JAZF1: variants seen among roughly 807,000 people sequenced by gnomAD.
JAZF1 encodes the protein juxtaposed with another zinc finger protein 1.
A neutral mutation model predicts 26.4 loss-of-function variants in JAZF1; 8 were observed. The observed-to-expected ratio is 0.30, with a 90% confidence interval of 0.18 to 0.55. The LOEUF (loss-of-function observed/expected upper bound fraction) is 0.55, where lower values mean the gene tolerates loss of function less well. JAZF1 is among the 20% of genes least tolerant of loss of function. The pLI, the probability that JAZF1 is intolerant of heterozygous loss-of-function variation, is 0.94. For missense variants in JAZF1, 199 were observed against 322.0 expected (o/e 0.62, Z 2.92); for synonymous variants, 126 against 122.3 (o/e 1.03, Z -0.20).
chr7:28,026,559 A>G (rs1271149464), intron 1 of JAZF1, among the ~76,000 whole-genome samples: 1 of 152,172 alleles, frequency 6.6e-6, no homozygotes, highest in African/African-American at 2.4e-5. Flanking sequence ...ATGAATGTTG[A>G]AAATGCATTC....
intron 2 of JAZF1, among the ~76,000 whole-genome samples, chr7:27,985,608 C>T (rs1422937424): frequency 6.6e-6 from 1 of 152,140 alleles, no homozygotes; most frequent in African/African-American, 2.4e-5. Flanking sequence ...TTTTATGAGG[C>T]CAGCATCATC....
At chr7:28,071,163 C>A (rs568135278) in intron 1 of JAZF1, among the ~76,000 whole-genome samples, 1 of 152,272 alleles carries the variant, frequency 6.6e-6, no homozygotes, top group African/African-American at 2.4e-5. Context: ...GCAAGCAATG[C>A]GGTGTGATAC....
intron 2 of JAZF1, among the ~76,000 whole-genome samples, 154 bp from the exon 3 acceptor site, chr7:27,895,570 C>T (rs2091334910): frequency 6.6e-6 from 1 of 152,144 alleles, no homozygotes; most frequent in South Asian, 2.1e-4. Flanking sequence ...TTCCCTTTTC[C>T]AATGCAATGG....
intron 1 of JAZF1, among the ~76,000 whole-genome samples, chr7:28,091,609 TTA>T (rs200569766): frequency 1.4e-5 from 2 of 147,924 alleles, no homozygotes; most frequent in Admixed American, 6.8e-5. Context: ...TACATATATA[TTA>T]TATATATATA....
chr7:27,857,738 T>G (rs1325846804), intron 3 of JAZF1, among the ~76,000 whole-genome samples: 2 of 152,168 alleles, frequency 1.3e-5, no homozygotes, highest in African/African-American at 4.8e-5. Flanking sequence ...TGACGGATCA[T>G]CTCTCAAAAT....
intron 1 of JAZF1, among the ~76,000 whole-genome samples, chr7:28,089,561 T>C (rs1784262071): frequency 6.6e-6 from 1 of 152,212 alleles, no homozygotes; most frequent in Non-Finnish European, 1.5e-5. Context: ...CTAGAAAATG[T>C]TGACATTGCT....
intron 1 of JAZF1, among the ~76,000 whole-genome samples, chr7:28,074,847 T>C (rs1036432125): frequency 1.3e-5 from 2 of 152,140 alleles, no homozygotes; most frequent in Non-Finnish European, 1.5e-5. Context: ...CACTGGAGAA[T>C]CCACTGTGAA....
chr7:27,866,752 T>C (rs1783480719), intron 3 of JAZF1, among the ~76,000 whole-genome samples: 1 of 152,262 alleles, frequency 6.6e-6, no homozygotes, highest in Non-Finnish European at 1.5e-5. Context: ...TCGATTACCA[T>C]ACTGCTTCCT....
At chr7:27,854,805 C>T (rs771846602) in intron 3 of JAZF1, among the ~76,000 whole-genome samples, 3 of 151,630 alleles carry the variant, frequency 2.0e-5, no homozygotes, top group Non-Finnish European at 4.4e-5. Flanking sequence ...TTTAACATTT[C>T]TTTCAACCTT....
chr7:27,945,623 T>C (rs997788676), intron 2 of JAZF1, among the ~76,000 whole-genome samples: 1 of 152,238 alleles, frequency 6.6e-6, no homozygotes, highest in East Asian at 1.9e-4. Context: ...ATGCCCTTGC[T>C]GGGAGTTCTC....
chr7:28,001,739 G>A (rs1256646487), intron 1 of JAZF1, among the ~76,000 whole-genome samples: 4 of 151,724 alleles, frequency 2.6e-5, no homozygotes, highest in Non-Finnish European at 4.4e-5. Flanking sequence ...TTCTGCAGAC[G>A]ATGCAGAGCA....
Position 28,155,942 on chromosome 7 carries a change from T to C in JAZF1, c.115+24521A>G, listed in dbSNP as rs115048761. Among the ~76,000 whole-genome samples, 506 of 152,366 alleles carry C rather than the reference T, an allele frequency of 3.3e-3. 3 individuals are homozygous for C. Among genetic ancestry groups the C allele is most frequent in the African/African-American group, 0.011 (478 of 41,592 alleles). On this transcript the variant is annotated intron_variant, in intron 1 of 4. Transcript: ENST00000283928. Reference sequence around the variant, plus strand: ...TCTTAAGGGTATAAGGGTACCTACCTGATAAGGTGTCTATGAGGTTACATA... The same window carrying C: ...TCTTAAGGGTATAAGGGTACCTACCCGATAAGGTGTCTATGAGGTTACATA...
chr7:27,949,190 G>C (rs1208121184), intron 2 of JAZF1, among the ~76,000 whole-genome samples: 1 of 152,212 alleles, frequency 6.6e-6, no homozygotes, highest in Non-Finnish European at 1.5e-5. Context: ...GGAGGCCAGG[G>C]AGAGTTGAGG....
intron 3 of JAZF1, among the ~76,000 whole-genome samples, chr7:27,887,134 G>A (rs1427075910): frequency 1.3e-5 from 2 of 152,126 alleles, no homozygotes; most frequent in African/African-American, 4.8e-5. Flanking sequence ...GAGGGTAAAG[G>A]GTGGGAGGAG....
intron 2 of JAZF1, among the ~76,000 whole-genome samples, chr7:27,983,967 G>C (rs1583492611): frequency 6.6e-6 from 1 of 152,154 alleles, no homozygotes; most frequent in African/African-American, 2.4e-5. Context: ...ACATGGAAAG[G>C]AACAACCAGT....
intron 1 of JAZF1, among the ~76,000 whole-genome samples, chr7:28,063,964 G>A (rs1248261288): frequency 6.6e-6 from 1 of 152,062 alleles, no homozygotes; most frequent in Non-Finnish European, 1.5e-5. Context: ...GTAATGAGTT[G>A]CATATCATAT....
At position 27,888,845 on chromosome 7, in the gene JAZF1, G is replaced by C. The variant is rs557761634; in HGVS notation, c.385+6375C>G. 2.6e-5 allele frequency among the ~76,000 whole-genome samples: 4 copies of C among 152,154 alleles called. No individual in the cohort carries two copies. The East Asian group carries it at 7.7e-4, about 29-fold the overall frequency. ...TTTAATACTTGAATTTTCCCCCCCA[G>C]AGTGCGCCAAAATATATATACAAAT... On this transcript the variant is annotated intron_variant, in intron 3 of 4. Transcript: ENST00000283928.
chr7:27,891,377 T>C (rs1342353199), intron 3 of JAZF1, among the ~76,000 whole-genome samples: 1 of 152,220 alleles, frequency 6.6e-6, no homozygotes, highest in East Asian at 1.9e-4. Context: ...CAAAGCATAT[T>C]TACTATATGG....
chr7:27,965,096 ATCAG>A (rs1785251812), intron 2 of JAZF1, among the ~76,000 whole-genome samples: 1 of 152,218 alleles, frequency 6.6e-6, no homozygotes, highest in Non-Finnish European at 1.5e-5. Flanking sequence ...TTCAGTATAT[ATCAG>A]ACACAAAGGT....
Sources: gnomAD v4.1 joint callset for allele counts (sites outside exome capture counted in the v4.1 genomes callset) on GRCh38, gnomAD v4.1.1 for gene constraint, MANE v1.5 for transcripts, NCBI Gene and HGNC (gene_info 2026-07-23, HGNC 2026-07-21) for gene names.